The following UGT1A3 variants were observed in gnomAD, a reference collection of about 807,000 sequenced individuals.
UGT1A3 encodes the protein UDP-glucuronosyltransferase 1A3.
Under a neutral mutation model 41.0 loss-of-function variants are expected in UGT1A3, and 31 were observed. That is an observed-to-expected ratio of 0.76 (90% CI 0.57 to 1.02). The LOEUF (loss-of-function observed/expected upper bound fraction) is 1.02, where lower values mean the gene tolerates loss of function less well. Among genes scored for constraint, UGT1A3 ranks in the 50% least tolerant of loss-of-function variants. The pLI, the probability that UGT1A3 is intolerant of heterozygous loss-of-function variation, is 0.00. For missense variants in UGT1A3, 737 were observed against 671.0 expected (o/e 1.10, Z -1.09); for synonymous variants, 262 against 257.6 (o/e 1.02, Z -0.17).
chr2:233,750,128 G>T (rs1357269719), intron 1 of UGT1A3, among the ~76,000 whole-genome samples: 9 of 151,932 alleles, frequency 5.9e-5, no homozygotes, highest in African/African-American at 1.7e-4. Context: ...ATGTGGGAAA[G>T]TTTGGAACTT....
At chr2:233,768,037 T>C (rs1699552537) in intron 3 of UGT1A3, 101 bp downstream of exon 3, 3 of 1,611,640 alleles carry the variant, frequency 1.9e-6, no homozygotes, top group Non-Finnish European at 2.5e-6. Context: ...GAAAATATTA[T>C]GGCCAACATA....
chr2:233,742,047 G>C (rs371861111), intron 1 of UGT1A3: 6 of 152,052 alleles, frequency 3.9e-5, no homozygotes, highest in South Asian at 4.1e-4. Context: ...CATAGCAATA[G>C]GATAGTTCTG....
At chr2:233,749,153 G>A (rs530115797) in intron 1 of UGT1A3, among the ~76,000 whole-genome samples, 14 of 151,714 alleles carry the variant, frequency 9.2e-5, no homozygotes, top group Non-Finnish European at 1.3e-4. Flanking sequence ...TCCATGACTT[G>A]ATCCTTTTGT....
At chr2:233,743,483 T>A in intron 1 of UGT1A3, 1 of 1,367,128 alleles carries the variant, frequency 7.3e-7, no homozygotes, top group Non-Finnish European at 9.8e-7. Flanking sequence ...GGAAATTCAC[T>A]GAAGGCAGAG....
At chr2:233,741,248 A>G (rs997599929) in intron 1 of UGT1A3, among the ~76,000 whole-genome samples, 1 of 152,014 alleles carries the variant, frequency 6.6e-6, no homozygotes, top group East Asian at 1.9e-4. Context: ...TGACACTGGT[A>G]TGCCACTCTT....
chr2:233,753,752 T>C (rs1695297434), intron 1 of UGT1A3: 1 of 152,236 alleles, frequency 6.6e-6, no homozygotes, highest in African/African-American at 2.4e-5. Context: ...TAGGACAGTT[T>C]TGCGTGGCCC....
chr2:233,767,876 C>A lies in UGT1A3; in HGVS notation c.1027C>A (p.Pro343Thr), dbSNP rs773195449. ...TVLWRYTGTR[P>T]SNLANNTILV... ...CCTGTGGCGGTACACTGGAACCCGA[C>A]CATCGAATCTTGCGAACAACACGAT... The change falls in exon 3 of 5, where the codon CCA becomes ACA. Residue 343 changes from proline (P) to threonine (T), a missense_variant. Physicochemically the swap from Pro to Thr is conservative, Grantham distance 38 (BLOSUM62 -1). Transcript: ENST00000482026. 23 of 1,614,060 alleles carry A rather than the reference C, an allele frequency of 1.4e-5. No individual in the cohort carries two copies. The highest frequency in any genetic ancestry group is 1.8e-5 in the Non-Finnish European group (21 of 1,180,054).
At chr2:233,732,983 C>T (rs930118681) in intron 1 of UGT1A3, among the ~76,000 whole-genome samples, 9 of 152,090 alleles carry the variant, frequency 5.9e-5, no homozygotes, top group South Asian at 2.1e-4. Flanking sequence ...TCTTTTATTT[C>T]GTTGAGCAGT....
At chr2:233,737,730 T>C (rs558595206) in intron 1 of UGT1A3, among the ~76,000 whole-genome samples, 10 of 152,254 alleles carry the variant, frequency 6.6e-5, no homozygotes, top group East Asian at 3.9e-4. Context: ...CCTTTTTTTT[T>C]CCTTTTCTCT....
chr2:233,762,151 A>G (rs1420565083), intron 1 of UGT1A3, among the ~76,000 whole-genome samples: 1 of 152,124 alleles, frequency 6.6e-6, no homozygotes, highest in Non-Finnish European at 1.5e-5. Context: ...CTTTGCATTA[A>G]TCACATCCAC....
At chr2:233,736,628 T>C (rs1418847955) in intron 1 of UGT1A3, among the ~76,000 whole-genome samples, 1 of 152,228 alleles carries the variant, frequency 6.6e-6, no homozygotes, top group Admixed American at 6.5e-5. Context: ...GCTTTTCTGC[T>C]CTAGTTTCCC....
At position 233,729,387 on chromosome 2, in the gene UGT1A3, T is replaced by G. The variant is rs1242626622; in HGVS notation, c.261T>G (p.Asp87Glu). The G allele has an allele frequency of 6.2e-7, 1 of 1,613,946 alleles. No individual in the cohort carries two copies. The highest frequency in any genetic ancestry group is 8.5e-7 in the Non-Finnish European group (1 of 1,179,862). Reference sequence around the variant, plus strand: ...CCTATGCCATTTCGTGGACCCAGGATGAATTTGATCGCCATGTGCTGGGCC... The same window carrying G: ...CCTATGCCATTTCGTGGACCCAGGAGGAATTTGATCGCCATGTGCTGGGCC... ...LTTYAISWTQ[D>E]EFDRHVLGHT... Residue 87 changes from aspartate (D) to glutamate (E), a missense_variant, in exon 1 of 5, where the codon GAT becomes GAG. Asp to Glu is a conservative substitution (Grantham distance 45, BLOSUM62 2). Transcript: ENST00000482026.
Position 233,757,121 on chromosome 2 carries a change from A to G in UGT1A3, c.868-9913A>G, listed in dbSNP as rs559239929. 1.1e-4 allele frequency among the ~76,000 whole-genome samples: 17 copies of G among 151,382 alleles called. No homozygotes were observed. The South Asian group carries it at 3.4e-3, about 30-fold the overall frequency. ...GAGGGGGCAAGCAGAAGGGCTAGAG[A>G]GGAGGAATGAGCTTGGACAGGTGGG... On this transcript the variant is annotated intron_variant, in intron 1 of 4. Coordinates refer to ENST00000482026, the MANE Select transcript of UGT1A3 (RefSeq NM_019093.4).
Position 233,767,956 on chromosome 2 carries a change from T to A in UGT1A3, c.1087+20T>A. 6.2e-7 allele frequency: 1 copy of A among 1,614,192 alleles called. No individual in the cohort carries two copies. Among genetic ancestry groups the A allele is most frequent in the Non-Finnish European group, 8.5e-7 (1 of 1,180,026 alleles). ...TGCTTGGTATGTTGGGCGGATTGGATGTATAGGTCAAACCAGGGTCAAATT... is the reference window on the plus strand; with the variant it reads ...TGCTTGGTATGTTGGGCGGATTGGAAGTATAGGTCAAACCAGGGTCAAATT... On this transcript the variant is annotated intron_variant, in intron 3 of 4. Transcript: ENST00000482026.
In UGT1A3 at chr2:233,747,740, TC is replaced by T. The variant is rs1007845310; in HGVS notation, c.867+17749del. On this transcript the variant is annotated intron_variant, in intron 1 of 4. Coordinates refer to ENST00000482026, the MANE Select transcript of UGT1A3 (RefSeq NM_019093.4). The stretch of plus-strand genomic sequence containing the variant: ...CTGCTGTGTTTTTTTTGAGGAACAT[TC>T]CATGTGATTTAGACTTTAAGGGCAC... 68 of 1,613,430 alleles carry T rather than the reference TC, an allele frequency of 4.2e-5. No individual in the cohort carries two copies. In the Admixed American group the frequency reaches 1.1e-3, roughly 27 times the overall value.
intron 1 of UGT1A3, among the ~76,000 whole-genome samples, chr2:233,760,062 T>A (rs957059658): frequency 6.6e-5 from 10 of 152,144 alleles, no homozygotes; most frequent in African/African-American, 2.4e-4. Context: ...AGAATGTGAT[T>A]TGAGTATGAA....
intron 1 of UGT1A3, among the ~76,000 whole-genome samples, chr2:233,730,806 G>C (rs374048907): frequency 3.3e-5 from 5 of 152,118 alleles, no homozygotes; most frequent in South Asian, 2.1e-4. Flanking sequence ...ATGGACATGC[G>C]TCCAAGAAGG....
intron 1 of UGT1A3, among the ~76,000 whole-genome samples, chr2:233,765,804 G>T (rs1575814743): frequency 6.6e-6 from 1 of 152,060 alleles, no homozygotes. Flanking sequence ...AGTGAGAAAA[G>T]AATTGCCATG....
At chr2:233,731,784 G>T (rs186887277) in intron 1 of UGT1A3, among the ~76,000 whole-genome samples, 1 of 152,042 alleles carries the variant, frequency 6.6e-6, no homozygotes, top group Non-Finnish European at 1.5e-5. Context: ...ATTTATAATC[G>T]TTTGGGTATA....
Sources: gnomAD v4.1 joint callset for allele counts (sites outside exome capture counted in the v4.1 genomes callset) on GRCh38, gnomAD v4.1.1 for gene constraint, MANE v1.5 for transcripts, NCBI Gene and HGNC (gene_info 2026-07-23, HGNC 2026-07-21) for gene names.